AFF3: variants seen among roughly 807,000 people sequenced by gnomAD.
AFF3 encodes the protein ALF transcription elongation factor 3.
A neutral mutation model predicts 129.7 loss-of-function variants in AFF3; 32 were observed. The ratio of observed to expected loss-of-function variants is 0.25; its 90% confidence interval spans 0.19 to 0.33. The LOEUF (loss-of-function observed/expected upper bound fraction) is 0.33. Ranked by LOEUF, AFF3 falls within the 10% of genes least tolerant of loss-of-function variation. The pLI is 1.00. For synonymous variants in AFF3, 644 were observed against 635.4 expected, an observed-to-expected ratio of 1.01 and a Z score of -0.20; for missense variants, 1,373 against 1,592.0, an observed-to-expected ratio of 0.86 and a Z score of 2.34.
At chr2:99,606,891 G>C (rs58058170) in intron 13 of AFF3, among the ~76,000 whole-genome samples, 12,570 of 136,042 alleles carry the variant, frequency 0.092, 633 homozygotes, top group Admixed American at 0.12. Flanking sequence ...TCCAGCCTGG[G>C]CGACAGAGCA....
chr2:100,040,193 G>C (rs1260254238), intron 4 of AFF3, among the ~76,000 whole-genome samples: 6 of 151,992 alleles, frequency 3.9e-5, no homozygotes, highest in Non-Finnish European at 8.8e-5. Flanking sequence ...GTGTTATTAA[G>C]TAATATGACG....
At chr2:100,015,729 G>A (rs1353473852) in intron 4 of AFF3, among the ~76,000 whole-genome samples, 1 of 152,222 alleles carries the variant, frequency 6.6e-6, no homozygotes, top group Non-Finnish European at 1.5e-5. Flanking sequence ...AGTGAGCATG[G>A]GACAGAGGCA....
intron 8 of AFF3, among the ~76,000 whole-genome samples, chr2:99,767,854 AGAATAGCAT>A (rs1575920519): frequency 6.6e-6 from 1 of 152,200 alleles, no homozygotes; most frequent in African/African-American, 2.4e-5. Context: ...CTGAGGCAGG[AGAATAGCAT>A]GAACCCGGGA....
chr2:100,122,072 A>AAAAT (rs1220202923), intron 2 of AFF3, among the ~76,000 whole-genome samples: 4 of 152,158 alleles, frequency 2.6e-5, no homozygotes, highest in East Asian at 1.9e-4. Context: ...CCGTCTCAAA[A>AAAAT]AAATAAATAA....
intron 4 of AFF3, among the ~76,000 whole-genome samples, chr2:100,103,093 A>G (rs1427112959): frequency 6.6e-6 from 1 of 152,184 alleles, no homozygotes; most frequent in Non-Finnish European, 1.5e-5. Context: ...CTTTTATAAG[A>G]AACCGTTTGA....
At position 100,006,821 on chromosome 2, in the gene AFF3, C is replaced by T. The variant is rs1337374417; in HGVS notation, c.684G>A (p.Gln228=). ...PSLASKPSLV[Q]QKPTAYVRPM... is the part of the protein sequence containing the mutation. ...GCCTCACATACGCGGTCGGTTTCTG[C>T]TGGACCAGGCTGGGTTTTGAAGCTA... The change falls in exon 7 of 25, where the codon CAG becomes CAA. Residue 228 remains glutamine (Q), a synonymous_variant. Coordinates refer to ENST00000672756, the MANE Select transcript of AFF3 (RefSeq NM_001386135.1). 6.2e-7 allele frequency: 1 copy of T among 1,614,212 alleles called. No individual in the cohort carries two copies. The highest frequency in any genetic ancestry group is 1.6e-4 in the Middle Eastern group (1 of 6,062).
At chr2:100,019,888 C>A (rs1683445361) in intron 4 of AFF3, among the ~76,000 whole-genome samples, 1 of 152,188 alleles carries the variant, frequency 6.6e-6, no homozygotes, top group Non-Finnish European at 1.5e-5. Flanking sequence ...GCCTATCCCC[C>A]CAACCCCACC....
At chr2:99,791,902 T>C (rs1274572038) in intron 8 of AFF3, among the ~76,000 whole-genome samples, 1 of 151,852 alleles carries the variant, frequency 6.6e-6, no homozygotes, top group Non-Finnish European at 1.5e-5. Context: ...TGATCCCAAG[T>C]GCAAAAAAGT....
At chr2:100,048,096 G>T (rs1170915388) in intron 4 of AFF3, among the ~76,000 whole-genome samples, 1 of 152,146 alleles carries the variant, frequency 6.6e-6, no homozygotes, top group African/African-American at 2.4e-5. Context: ...CTCACCCTTT[G>T]TCAGAACTGT....
intron 4 of AFF3, among the ~76,000 whole-genome samples, chr2:100,038,017 A>T (rs1685112970): frequency 6.6e-6 from 1 of 151,624 alleles, no homozygotes; most frequent in Admixed American, 6.6e-5. Context: ...GGGTAAAAGA[A>T]AACTTTTCAA....
At chr2:99,896,332 C>A (rs1037470177) in intron 7 of AFF3, among the ~76,000 whole-genome samples, 10 of 152,056 alleles carry the variant, frequency 6.6e-5, no homozygotes, top group Non-Finnish European at 1.3e-4. Context: ...TCTGAAGCTT[C>A]CCCATCTAAA....
chr2:99,615,790 T>G (rs1183932126), intron 13 of AFF3, among the ~76,000 whole-genome samples: 2 of 152,222 alleles, frequency 1.3e-5, no homozygotes, highest in Non-Finnish European at 2.9e-5. Flanking sequence ...CTGCCCCAGA[T>G]GAGCGAATAA....
intron 4 of AFF3, among the ~76,000 whole-genome samples, chr2:100,047,985 C>T (rs1298491612): frequency 6.6e-6 from 1 of 152,206 alleles, no homozygotes; most frequent in Non-Finnish European, 1.5e-5. Context: ...CCATACTCAT[C>T]CCACTCTCGA....
chr2:99,767,550 A>T (rs763607835), intron 8 of AFF3, among the ~76,000 whole-genome samples: 1 of 152,234 alleles, frequency 6.6e-6, no homozygotes, highest in Non-Finnish European at 1.5e-5. Context: ...CATGTATATG[A>T]CACTATGTAA....
intron 1 of AFF3, among the ~76,000 whole-genome samples, chr2:100,141,871 C>A (rs185907059): frequency 6.6e-6 from 1 of 152,256 alleles, no homozygotes; most frequent in African/African-American, 2.4e-5. Flanking sequence ...TACACAGACA[C>A]ACACACACAA....
At chr2:99,923,724 T>C (rs1696027300) in intron 7 of AFF3, among the ~76,000 whole-genome samples, 1 of 152,096 alleles carries the variant, frequency 6.6e-6, no homozygotes, top group Non-Finnish European at 1.5e-5. Context: ...ATATAAAATT[T>C]CTGCATCCTT....
At chr2:100,120,486 G>A (rs1691917188) in intron 2 of AFF3, among the ~76,000 whole-genome samples, 1 of 135,622 alleles carries the variant, frequency 7.4e-6, no homozygotes, top group South Asian at 2.3e-4. Context: ...TCTGCCTTGT[G>A]AATACTTATC....
chr2:100,017,186 C>A (rs932623334), intron 4 of AFF3, among the ~76,000 whole-genome samples: 3 of 152,032 alleles, frequency 2.0e-5, no homozygotes, highest in African/African-American at 7.3e-5. Context: ...CATGACTATG[C>A]CCCGGCTCAC....
At chr2:100,054,390 A>AG (rs1428176427) in intron 4 of AFF3, among the ~76,000 whole-genome samples, 1 of 152,218 alleles carries the variant, frequency 6.6e-6, no homozygotes, top group Non-Finnish European at 1.5e-5. Flanking sequence ...TAACATGGGT[A>AG]GGCCCCAGAC....
Sources: gnomAD v4.1 joint callset for allele counts (sites outside exome capture counted in the v4.1 genomes callset) on GRCh38, gnomAD v4.1.1 for gene constraint, MANE v1.5 for transcripts, NCBI Gene and HGNC (gene_info 2026-07-23, HGNC 2026-07-21) for gene names.